ZFR2: variants seen among roughly 807,000 people sequenced by gnomAD.
The protein encoded by ZFR2 is zinc finger RNA-binding protein 2.
In ZFR2, 104 loss-of-function variants were observed where a neutral mutation model predicts 105.7. That is an observed-to-expected ratio of 0.98 (90% confidence interval 0.84 to 1.16). The LOEUF (loss-of-function observed/expected upper bound fraction) is 1.16. Among genes scored for constraint, ZFR2 ranks in the 50% most tolerant of loss-of-function variants. The pLI, the probability that ZFR2 is intolerant of heterozygous loss-of-function variation, is 0.00. For missense variants in ZFR2, 1,425 were observed against 1,355.5 expected (o/e 1.05, Z -0.80); for synonymous variants, 634 against 597.7 (o/e 1.06, Z -0.89).
In ZFR2 at chr19:3,827,657, CG is replaced by C; in HGVS notation, c.853-5del. The C allele has an allele frequency of 1.3e-6, 2 of 1,574,670 alleles. No individual in the cohort carries two copies. Among genetic ancestry groups the C allele is most frequent in the Non-Finnish European group, 1.7e-6 (2 of 1,160,604 alleles). On this transcript the variant is annotated splice_region_variant and splice_polypyrimidine_tract_variant and intron_variant, in intron 5 of 18. Transcript: ENST00000262961. ...CTCCCAGATGTTCCCGGTAGGTCTG[CG>C]GCAAGGGGTGAGAGGCAGCCTGGGC...
chr19:3,819,208 C>A lies in ZFR2; in HGVS notation c.1768G>T (p.Asp590Tyr). 1 of 1,561,924 alleles carries A rather than the reference C, an allele frequency of 6.4e-7. No individual in the cohort carries two copies. The highest frequency in any genetic ancestry group is 8.6e-7 in the Non-Finnish European group (1 of 1,161,544). Reference sequence around the variant, plus strand: ...GCGTGCTTGCACATGACGTGCCGGTCGTCGCTGGACGCCGGCCGCCGCCCG... The same window carrying A: ...GCGTGCTTGCACATGACGTGCCGGTAGTCGCTGGACGCCGGCCGCCGCCCG... ...QPGRRPASSD[D>Y]RHVMCKHATI... The change falls in exon 12 of 19, where the codon GAC becomes TAC. Residue 590 changes from aspartate to tyrosine, a missense_variant. Physicochemically the swap from Asp to Tyr is radical, Grantham distance 160 (BLOSUM62 -3). Transcript: ENST00000262961.
In ZFR2 at chr19:3,820,307, T is replaced by G. The variant is rs2301845; in HGVS notation, c.1632-17A>C. The G allele has an allele frequency of 0.56, 858,840 of 1,537,252 alleles. 243,276 individuals carry two copies. The highest frequency in any genetic ancestry group is 0.82 in the East Asian group (33,399 of 40,750). On this transcript the variant is annotated splice_polypyrimidine_tract_variant and intron_variant, in intron 10 of 18. Coordinates refer to ENST00000262961, the MANE Select transcript of ZFR2 (RefSeq NM_015174.2). Reference sequence around the variant, plus strand: ...TCCAGCCGCCTGCAGGACCGAGACGTGACAGAGCATGGTCAGGCCAGCAGT... The same window carrying G: ...TCCAGCCGCCTGCAGGACCGAGACGGGACAGAGCATGGTCAGGCCAGCAGT...
At chr19:3,806,615 C>A (rs1391061157) in intron 18 of ZFR2, among the ~76,000 whole-genome samples, 3 of 152,128 alleles carry the variant, frequency 2.0e-5, no homozygotes, top group Non-Finnish European at 2.9e-5. Flanking sequence ...GAGGAATTTT[C>A]GCGTGGTGCC....
intron 1 of ZFR2, among the ~76,000 whole-genome samples, chr19:3,847,719 G>A (rs1441595691): frequency 2.0e-5 from 3 of 152,150 alleles, no homozygotes; most frequent in South Asian, 2.1e-4. Context: ...ACTGCCTCAC[G>A]TTGTTTCCAA....
intron 1 of ZFR2, among the ~76,000 whole-genome samples, chr19:3,836,961 G>C (rs1310920098): frequency 6.6e-6 from 1 of 152,198 alleles, no homozygotes; most frequent in Admixed American, 6.5e-5. Flanking sequence ...AGGGGAAGGA[G>C]CAAGGTATGA....
In ZFR2 at chr19:3,831,537, A is replaced by G. The variant is rs1484579998; in HGVS notation, c.618T>C (p.Tyr206=). Residue 206 remains tyrosine, a synonymous_variant, in exon 5 of 19, where the codon TAT becomes TAC. Coordinates refer to ENST00000262961, the MANE Select transcript of ZFR2 (RefSeq NM_015174.2). ...TGGCAGCGGAGTACACCGACGCGTC[A>G]TAGTTCGGGTAGCTTGGTGCTGAGC... ...TAYTAPSYPN[Y]DASVYSAASP... 1.3e-6 allele frequency: 2 copies of G among 1,562,018 alleles called. No individual in the cohort carries two copies. Among genetic ancestry groups the G allele is most frequent in the East Asian group, 2.4e-5 (1 of 41,932 alleles).
chr19:3,859,904 T>C (rs1366497263), intron 1 of ZFR2, among the ~76,000 whole-genome samples: 6 of 152,224 alleles, frequency 3.9e-5, no homozygotes, highest in Non-Finnish European at 8.8e-5. Flanking sequence ...TTTTTCTTTT[T>C]TTCTGACCAT....
Position 3,823,733 on chromosome 19 carries a change from C to G in ZFR2, c.1214-330G>C, listed in dbSNP as rs139290726. ...AGGCGGACCAAGGCTCGCACTTAACCTACCCCCGTTAGGCGAAATGATGGA... is the reference window on the plus strand; with the variant it reads ...AGGCGGACCAAGGCTCGCACTTAACGTACCCCCGTTAGGCGAAATGATGGA... On this transcript the variant is annotated intron_variant, in intron 7 of 18. Coordinates refer to ENST00000262961, the MANE Select transcript of ZFR2 (RefSeq NM_015174.2). This position sits in a 1 kb window ranked among gnomAD's most constrained non-coding sequence, Gnocchi z 5.4. Among the ~76,000 whole-genome samples, 368 of 152,296 alleles carry G rather than the reference C, an allele frequency of 2.4e-3. 1 individual carries two copies. Among genetic ancestry groups the G allele is most frequent in the African/African-American group, 8.6e-3 (357 of 41,570 alleles).
chr19:3,857,653 G>C (rs542706663), intron 1 of ZFR2, among the ~76,000 whole-genome samples: 1 of 143,826 alleles, frequency 7.0e-6, no homozygotes. Context: ...CCGAGATTGC[G>C]CCACTGCACT....
Position 3,865,150 on chromosome 19 carries a change from A to T in ZFR2, c.53+3815T>A, listed in dbSNP as rs1038295114. 6.6e-5 allele frequency among the ~76,000 whole-genome samples: 10 copies of T among 152,240 alleles called. 1 individual carries two copies. Among genetic ancestry groups the T allele is most frequent in the South Asian group, 4.1e-4 (2 of 4,838 alleles). ...AGCACTAATTCAACTTCTAAAAAAA[A>T]ATATGAGATTCATAAGACCATATAA... On this transcript the variant is annotated intron_variant, in intron 1 of 18. Transcript: ENST00000262961.
intron 1 of ZFR2, among the ~76,000 whole-genome samples, chr19:3,837,389 G>C (rs896755989): frequency 6.6e-6 from 1 of 151,848 alleles, no homozygotes; most frequent in African/African-American, 2.4e-5. Context: ...CACCATGACT[G>C]TGACACTCGA....
Position 3,810,759 on chromosome 19 carries a change from C to T in ZFR2, c.2424G>A (p.Leu808=). 1 of 1,549,146 alleles carries T rather than the reference C, an allele frequency of 6.5e-7. No homozygotes were observed. ...CCAGGCACTGCCTTACCCAGGCTGG[C>T]AGGGCCCCCCAGGTGGGCACACGCC... ...LCRRVPTWGA[L]PAWAMELLVE... The change falls in exon 16 of 19, where the codon CTG becomes CTA. Residue 808 remains leucine (L), a synonymous_variant. Coordinates refer to ENST00000262961, the MANE Select transcript of ZFR2 (RefSeq NM_015174.2).
chr19:3,830,960 C>A lies in ZFR2; in HGVS notation c.852+343G>T, dbSNP rs1054343361. ...AGGCATACATGCGCACACATACACA[C>A]ACGCACACACATGCACACACATACA... On this transcript the variant is annotated intron_variant, in intron 5 of 18. Coordinates refer to ENST00000262961, the MANE Select transcript of ZFR2 (RefSeq NM_015174.2). 2.0e-5 allele frequency among the ~76,000 whole-genome samples: 3 copies of A among 149,128 alleles called. No homozygotes were observed. The Admixed American group carries it at 2.1e-4, about 10-fold the overall frequency.
At chr19:3,852,200 C>A in intron 1 of ZFR2, 6 of 495,560 alleles carry the variant, frequency 1.2e-5, no homozygotes, top group South Asian at 1.1e-4. Flanking sequence ...AGGCGGGGCT[C>A]AGCTGGGTGG....
rs1483093700 is a variant in ZFR2 at position 3,838,141 on chromosome 19, AATGAACACCGTGACTGTGACACTCG to A, written c.54-3183_54-3159del. On this transcript the variant is annotated intron_variant, in intron 1 of 18. Coordinates refer to ENST00000262961, the MANE Select transcript of ZFR2 (RefSeq NM_015174.2). The surrounding 1 kb of genome is among the most constrained non-coding windows in gnomAD (Gnocchi z 4.9). ...GATGAACACCGTGACTGTGACACACAATGAACACCGTGACTGTGACACTCGATGAACACCATGACCGTGACACCCG... is the reference window on the plus strand; with the variant it reads ...GATGAACACCGTGACTGTGACACACAATGAACACCATGACCGTGACACCCG... 2.1e-5 allele frequency among the ~76,000 whole-genome samples: 3 copies of A among 146,244 alleles called. No homozygotes were observed. The highest frequency in any genetic ancestry group is 7.6e-5 in the African/African-American group (3 of 39,284).
rs1013234161 is a variant in ZFR2 at position 3,823,932 on chromosome 19, G to A, written c.1214-529C>T. 3.3e-5 allele frequency among the ~76,000 whole-genome samples: 5 copies of A among 152,120 alleles called. No homozygotes were observed. The highest frequency in any genetic ancestry group is 1.9e-4 in the East Asian group (1 of 5,198). ...AGGGCAGAGACTCTTAGACAGACCC[G>A]GGTTCCAATTCCACCTCCACCGTTT... is the stretch of plus-strand genomic sequence containing the variant. On this transcript the variant is annotated intron_variant, in intron 7 of 18. Transcript: ENST00000262961. The surrounding 1 kb of genome is among the most constrained non-coding windows in gnomAD (Gnocchi z 5.4).
chr19:3,861,603 G>A (rs559471961), intron 1 of ZFR2, among the ~76,000 whole-genome samples: 2 of 151,510 alleles, frequency 1.3e-5, no homozygotes, highest in South Asian at 2.1e-4. Flanking sequence ...TCCAGCCTGG[G>A]TGACAGAGTG....
At chr19:3,837,231 G>A (rs544149443) in intron 1 of ZFR2, among the ~76,000 whole-genome samples, 56 of 152,268 alleles carry the variant, frequency 3.7e-4, no homozygotes, top group South Asian at 2.5e-3. Flanking sequence ...TTTGCCTCCT[G>A]GCTTCAAGCA....
chr19:3,819,233 G>A lies in ZFR2; in HGVS notation c.1743C>T (p.Pro581=), dbSNP rs182307385. 736 of 1,536,892 alleles carry A rather than the reference G, an allele frequency of 4.8e-4. 6 individuals are homozygous for A. The African/African-American group carries it at 8.7e-3, about 18-fold the overall frequency. Residue 581 remains proline, a splice_region_variant and synonymous_variant, in exon 12 of 19, where the codon CCC becomes CCT. Transcript: ENST00000262961. ...PESPASAPLQ[P]GRRPASSDDR... is the part of the protein sequence containing the mutation. ...CGTCGCTGGACGCCGGCCGCCGCCC[G>A]GGCTGTGGGGAGAGGCCGCACGTGT...
Sources: allele counts gnomAD v4.1 joint callset (sites outside exome capture counted in the v4.1 genomes callset), GRCh38; gene constraint gnomAD v4.1.1; non-coding constraint Gnocchi (gnomAD v3.1); transcripts MANE v1.5; gene names NCBI Gene and HGNC (gene_info 2026-07-23, HGNC 2026-07-21).